The following IFT46 variants were observed in gnomAD, a reference collection of about 807,000 sequenced individuals.
The protein encoded by IFT46 is intraflagellar transport protein 46 homolog.
Under a neutral mutation model 39.6 loss-of-function variants are expected in IFT46, and 19 were observed. That is an observed-to-expected ratio of 0.48 (90% CI 0.33 to 0.70). The LOEUF (loss-of-function observed/expected upper bound fraction) is 0.70. IFT46 is among the 30% of genes least tolerant of loss of function. IFT46 has a pLI of 0.01. For missense variants in IFT46, 334 were observed against 364.8 expected (o/e 0.92, Z 0.69); for synonymous variants, 117 against 134.8 (o/e 0.87, Z 0.91).
exon 1 of IFT46, chr11:118,572,798 T>G: frequency 8.7e-6 from 4 of 459,596 alleles, no homozygotes; most frequent in East Asian, 3.5e-5. Context: ...ACTCCCTCGT[T>G]TGCTGGGACC....
At chr11:118,546,473 G>GA (rs1951689274) in intron 9 of IFT46, 4 of 300,302 alleles carry the variant, frequency 1.3e-5, no homozygotes, top group Admixed American at 4.4e-5. Context: ...CCTGGGCATA[G>GA]AGTAATACCC....
At chr11:118,570,774 A>G (rs74805129), upstream of IFT46, among the ~76,000 whole-genome samples, 158 of 152,352 alleles carry the variant, frequency 1.0e-3, 1 homozygote, top group African/African-American at 3.7e-3. Flanking sequence ...TTCATATACA[A>G]AATGGACATG....
At chr11:118,557,775 C>G (rs1555069809) in intron 3 of IFT46, 2 of 1,614,016 alleles carry the variant, frequency 1.2e-6, no homozygotes, top group South Asian at 2.2e-5. Context: ...CCATCCCACC[C>G]TCTCAAGTAC....
chr11:118,558,049 C>T (rs781994454), intron 3 of IFT46, among the ~76,000 whole-genome samples: 6 of 152,150 alleles, frequency 3.9e-5, no homozygotes, highest in South Asian at 4.1e-4. Flanking sequence ...AATTGTGACA[C>T]GTTACAGGAC....
At position 118,557,018 on chromosome 11, in the gene IFT46, G is replaced by A. The variant is rs1937861616; in HGVS notation, c.73C>T (p.Pro25Ser). 1 of 1,609,680 alleles carries A rather than the reference G, an allele frequency of 6.2e-7. No individual in the cohort carries two copies. The highest frequency in any genetic ancestry group is 1.7e-5 in the Admixed American group (1 of 59,430). Residue 25 changes from proline to serine, a missense_variant, in exon 4 of 12, where the codon CCT (proline) becomes TCT (serine). By Grantham distance (74) the Pro-to-Ser change is moderately conservative (BLOSUM62 -1). Coordinates refer to ENST00000264021, the MANE Select transcript of IFT46 (RefSeq NM_001168618.2). ...KEKKKTSQLT[P>S]QRGFSENEDD... Reference sequence around the variant, plus strand: ...TCATTTTCACTAAAGCCCCGTTGAGGTGTCAACTGTGAGGTCTTCTTCTTC... The same window carrying A: ...TCATTTTCACTAAAGCCCCGTTGAGATGTCAACTGTGAGGTCTTCTTCTTC...
At chr11:118,549,183 GCCA>G (rs1951763429) in intron 9 of IFT46, among the ~76,000 whole-genome samples, 2 of 151,188 alleles carry the variant, frequency 1.3e-5, no homozygotes, top group South Asian at 4.2e-4. Context: ...ATAGGTATGA[GCCA>G]CCATGTCCAG....
At chr11:118,570,673 T>C (rs1486877211), upstream of IFT46, among the ~76,000 whole-genome samples, 2 of 152,168 alleles carry the variant, frequency 1.3e-5, no homozygotes, top group African/African-American at 4.8e-5. Flanking sequence ...AGAAATAACA[T>C]GAGAATCACA....
At chr11:118,559,501 A>G (rs1358757410) in intron 3 of IFT46, among the ~76,000 whole-genome samples, 4 of 152,328 alleles carry the variant, frequency 2.6e-5, no homozygotes, top group South Asian at 2.1e-4. Context: ...CCGTATATTT[A>G]AAAATAAGTA....
chr11:118,570,806 G>A (rs1555072247), upstream of IFT46, among the ~76,000 whole-genome samples: 1 of 152,102 alleles, frequency 6.6e-6, no homozygotes, highest in Non-Finnish European at 1.5e-5. Flanking sequence ...CCTGCTTCCA[G>A]TGCATGTTTT....
chr11:118,574,556 A>T (rs917790777), upstream of IFT46, among the ~76,000 whole-genome samples: 6 of 152,168 alleles, frequency 3.9e-5, no homozygotes, highest in Non-Finnish European at 7.3e-5. Context: ...ATTAAAAAAA[A>T]ATATACATTT....
chr11:118,554,340 G>A, intron 7 of IFT46, 119 bp downstream of exon 7: 1 of 1,020,872 alleles, frequency 9.8e-7, no homozygotes, highest in East Asian at 2.8e-5. Flanking sequence ...ACAGGCGTGA[G>A]CCACCGCACC....
intron 2 of IFT46, chr11:118,560,673 G>C (rs1938022999): frequency 1.8e-6 from 1 of 544,326 alleles, no homozygotes; most frequent in Non-Finnish European, 3.3e-6. Flanking sequence ...CGCAAACGCG[G>C]GTCTCTGTTC....
intron 4 of IFT46, among the ~76,000 whole-genome samples, chr11:118,556,624 C>T (rs554093469): frequency 6.6e-6 from 1 of 152,308 alleles, no homozygotes; most frequent in Admixed American, 6.5e-5. Flanking sequence ...AGCCACCATG[C>T]CTGGCCACCA....
At chr11:118,567,083 A>C (rs954437293), upstream of IFT46, among the ~76,000 whole-genome samples, 2 of 151,962 alleles carry the variant, frequency 1.3e-5, no homozygotes, top group Admixed American at 1.3e-4. Context: ...TCTATTAAAA[A>C]TAAAAAAAAA....
chr11:118,562,303 G>C (rs1247723990), intron 2 of IFT46, among the ~76,000 whole-genome samples: 1 of 151,546 alleles, frequency 6.6e-6, no homozygotes, highest in African/African-American at 2.4e-5. Context: ...AGCTGGACAT[G>C]GGGGCATGGG....
Position 118,556,922 on chromosome 11 carries a change from C to A in IFT46, c.169G>T (p.Gly57Ter). 1 of 1,607,350 alleles carries A rather than the reference C, an allele frequency of 6.2e-7. No homozygotes were observed. Among genetic ancestry groups the A allele is most frequent in the Non-Finnish European group, 8.5e-7 (1 of 1,176,386 alleles). The change falls in exon 4 of 12, where the codon GGA becomes TGA. Residue 57 changes from glycine to a stop codon, truncating the protein, a stop_gained. Transcript: ENST00000264021. LOFTEE classifies it high-confidence loss of function. ...TTTCCTCACCCTTCCAGAGGGGCTC[C>A]ATGCTCTTCATCATCATCATCAGAA... ...SDSDDDDEEH[G>*]APLEGAYDPA...
intron 2 of IFT46, chr11:118,561,728 A>G (rs1555070621): frequency 4.0e-6 from 1 of 249,452 alleles, no homozygotes; most frequent in African/African-American, 2.3e-5. Context: ...ATAAGGATCA[A>G]GTGAAAAAAT....
intron 1 of IFT46, among the ~76,000 whole-genome samples, chr11:118,571,816 G>A (rs1938341845): frequency 6.6e-6 from 1 of 152,154 alleles, no homozygotes; most frequent in Non-Finnish European, 1.5e-5. Context: ...TAGGCCAGGC[G>A]CGGTGGCTGA....
rs532302596 is a variant in IFT46, at chr11:118,562,336, G to A, written c.-35-2472C>T. On this transcript the variant is annotated intron_variant, in intron 2 of 11. Transcript: ENST00000264021. ...GGGCTGGTAGTCCCAGCTACCGGGG[G>A]TTCTGAAGCAGGAGGACTGCATGAG... 2.5e-3 allele frequency among the ~76,000 whole-genome samples: 382 copies of A among 151,700 alleles called. 1 individual carries two copies. The highest frequency in any genetic ancestry group is 7.4e-3 in the African/African-American group (308 of 41,344).
Sources: gnomAD v4.1 joint callset for allele counts (sites outside exome capture counted in the v4.1 genomes callset) on GRCh38, gnomAD v4.1.1 for gene constraint, MANE v1.5 for transcripts, NCBI Gene and HGNC (gene_info 2026-07-23, HGNC 2026-07-21) for gene names.